PGAM5: variants seen among roughly 807,000 people sequenced by gnomAD.
PGAM5 encodes the protein serine/threonine-protein phosphatase PGAM5, mitochondrial.
Under a neutral mutation model 30.6 loss-of-function variants are expected in PGAM5, and 25 were observed. That is an observed-to-expected ratio of 0.82 (90% CI 0.60 to 1.14). The LOEUF (loss-of-function observed/expected upper bound fraction) is 1.14. PGAM5 is among the 50% of genes most tolerant of loss of function. The pLI is 0.00. For synonymous variants in PGAM5, 201 were observed against 179.1 expected (o/e 1.12, Z -0.98); for missense variants, 384 against 408.5 (o/e 0.94, Z 0.52).
chr12:132,719,151 T>C, intron 5 of PGAM5: 2 of 1,272,606 alleles, frequency 1.6e-6, no homozygotes, highest in South Asian at 1.7e-5. Context: ...TCTCACTAAA[T>C]GCAAATTTGA....
At chr12:132,711,542 T>A (rs2043522896) in intron 1 of PGAM5, 1 of 152,240 alleles carries the variant, frequency 6.6e-6, no homozygotes, top group Non-Finnish European at 1.5e-5. Flanking sequence ...AATCCCAGCG[T>A]TTGGGAGGCT....
chr12:132,714,920 T>C lies in PGAM5; in HGVS notation c.254T>C (p.Leu85Pro). 1 of 1,613,746 alleles carries C rather than the reference T, an allele frequency of 6.2e-7. No homozygotes were observed. Among genetic ancestry groups the C allele is most frequent in the Non-Finnish European group, 8.5e-7 (1 of 1,179,998 alleles). ...KRNVESGEEE[L>P]ASKLDHYKAK... ...AACGTGGAATCTGGGGAAGAAGAGC[T>C]GGCGTCCAAGCTGGACCACTACAAA... Residue 85 changes from leucine (L) to proline (P), a missense_variant, in exon 2 of 6, where the codon CTG (leucine) becomes CCG (proline). Leu to Pro is a moderately conservative substitution (Grantham distance 98). Coordinates refer to ENST00000498926, the MANE Select transcript of PGAM5 (RefSeq NM_001170543.2).
rs1222026692 is a variant in PGAM5, at chr12:132,722,460, G to A, written c.*1632G>A. On this transcript the variant is annotated 3_prime_UTR_variant, in exon 6 of 6. Coordinates refer to ENST00000498926, the MANE Select transcript of PGAM5 (RefSeq NM_001170543.2). The stretch of plus-strand genomic sequence containing the variant: ...AGATGGGGTTTCACCGTGTTGGCCA[G>A]GCTGGTCTCGAACTCCTGACCTCGT... The A allele has an allele frequency of 6.6e-6, 1 of 151,652 alleles. No homozygotes were observed. Among genetic ancestry groups the A allele is most frequent in the Non-Finnish European group, 1.5e-5 (1 of 67,918 alleles). The allele number at this position is 151,652 out of a possible 1,614,324, so 9.4% of individuals were successfully genotyped here. A position where few individuals can be genotyped will look rare whatever the true frequency, so the allele number is the denominator to read the frequency against.
intron 1 of PGAM5, among the ~76,000 whole-genome samples, chr12:132,712,464 C>A (rs970403900): frequency 6.6e-5 from 10 of 152,088 alleles, no homozygotes; most frequent in South Asian, 2.1e-4. Context: ...TTTCTTTTTT[C>A]TTTTTCCTTG....
chr12:132,716,521 G>A (rs12321038), intron 2 of PGAM5, among the ~76,000 whole-genome samples: 5,431 of 152,118 alleles, frequency 0.036, 105 homozygotes, highest in South Asian at 0.099. Flanking sequence ...GAGCCACCGC[G>A]CCCGGCCTGG....
rs751419670 is a variant in PGAM5 at position 132,717,693 on chromosome 12, G to C, written c.497-17G>C. 2.2e-5 allele frequency: 34 copies of C among 1,566,660 alleles called. 1 individual carries two copies. The highest frequency in any genetic ancestry group is 2.7e-5 in the Non-Finnish European group (31 of 1,155,288). ...GCGGGGCCGCCTCACCCAGCGCTTCGCTGTGCTTCTCTGCAGGCGTCTGCA... is the reference window on the plus strand; with the variant it reads ...GCGGGGCCGCCTCACCCAGCGCTTCCCTGTGCTTCTCTGCAGGCGTCTGCA... On this transcript the variant is annotated splice_polypyrimidine_tract_variant and intron_variant, in intron 3 of 5. Coordinates refer to ENST00000498926, the MANE Select transcript of PGAM5 (RefSeq NM_001170543.2).
In PGAM5 at chr12:132,722,629, G is replaced by A. The variant is rs1259402537; in HGVS notation, c.*1801G>A. ...AAAACAGTACAATTTCTATGAAGTG[G>A]TTGTGACTATTTTCTGTAGTCAATA... is the stretch of plus-strand genomic sequence containing the variant. On this transcript the variant is annotated 3_prime_UTR_variant, in exon 6 of 6. Coordinates refer to ENST00000498926, the MANE Select transcript of PGAM5 (RefSeq NM_001170543.2). The A allele has an allele frequency of 1.3e-5, 2 of 152,180 alleles. No homozygotes were observed. The highest frequency in any genetic ancestry group is 3.8e-4 in the East Asian group (2 of 5,204). The allele number at this position is 152,180 out of a possible 1,614,324, so 9.4% of individuals were successfully genotyped here. A position where few individuals can be genotyped will look rare whatever the true frequency, so the allele number is the denominator to read the frequency against.
In PGAM5 at chr12:132,721,696, C is replaced by T. The variant is rs1046301854; in HGVS notation, c.*868C>T. Reference sequence around the variant, plus strand: ...CTCTGCCTCCTGGGTTCAAGTGATTCTCCTGCCTCAGCTCCCGAGTAGCTG... The same window carrying T: ...CTCTGCCTCCTGGGTTCAAGTGATTTTCCTGCCTCAGCTCCCGAGTAGCTG... On this transcript the variant is annotated 3_prime_UTR_variant, in exon 6 of 6. Transcript: ENST00000498926. 1 of 152,216 alleles carries T rather than the reference C, an allele frequency of 6.6e-6. No individual in the cohort carries two copies. The highest frequency in any genetic ancestry group is 6.5e-5 in the Admixed American group (1 of 15,282). 9.4% of individuals were successfully genotyped at this position (152,216 alleles called of 1,614,324 possible).
In PGAM5 at chr12:132,718,105, G is replaced by A. The variant is rs1468017425; in HGVS notation, c.704G>A (p.Arg235His). ...TTCATCTGTCACGCCAACGTCATCC[G>A]CTACATCGTGTGCAGGTAGGCAGCT... is the stretch of plus-strand genomic sequence containing the variant. ...EIFICHANVIRYIVCRALQFP... is the reference protein window; with the variant it reads ...EIFICHANVIHYIVCRALQFP... The change falls in exon 5 of 6, where the codon CGC (arginine) becomes CAC (histidine). Residue 235 changes from arginine (R) to histidine (H), a missense_variant. By Grantham distance (29) the Arg-to-His change is conservative. Coordinates refer to ENST00000498926, the MANE Select transcript of PGAM5 (RefSeq NM_001170543.2). 6.2e-7 allele frequency: 1 copy of A among 1,612,644 alleles called. No individual in the cohort carries two copies. Among genetic ancestry groups the A allele is most frequent in the Non-Finnish European group, 8.5e-7 (1 of 1,179,944 alleles).
In PGAM5 at chr12:132,721,413, A is replaced by G. The variant is rs1164051053; in HGVS notation, c.*585A>G. The G allele has an allele frequency of 6.6e-6, 1 of 152,222 alleles. No individual in the cohort carries two copies. The highest frequency in any genetic ancestry group is 1.5e-5 in the Non-Finnish European group (1 of 68,098). 9.4% of individuals were successfully genotyped at this position (152,222 alleles called of 1,614,324 possible). A position where few individuals can be genotyped will look rare whatever the true frequency, so the allele number is the denominator to read the frequency against. On this transcript the variant is annotated 3_prime_UTR_variant, in exon 6 of 6. Coordinates refer to ENST00000498926, the MANE Select transcript of PGAM5 (RefSeq NM_001170543.2). ...AAGACCAGCCTGGACAAGGCAACATAGCGAGACCCTGTCTCTACTAAAAAT... is the reference window on the plus strand; with the variant it reads ...AAGACCAGCCTGGACAAGGCAACATGGCGAGACCCTGTCTCTACTAAAAAT...
At chr12:132,715,832 T>A (rs888375375) in intron 2 of PGAM5, among the ~76,000 whole-genome samples, 1 of 152,016 alleles carries the variant, frequency 6.6e-6, no homozygotes, top group Non-Finnish European at 1.5e-5. Context: ...TGAGCCAAGA[T>A]TGCACCACTG....
intron 1 of PGAM5, chr12:132,711,391 C>T (rs1368566306): frequency 2.5e-5 from 5 of 197,646 alleles, no homozygotes; most frequent in Non-Finnish European, 4.1e-5. Flanking sequence ...CCTTCAGGGG[C>T]GTTTGCAGGA....
intron 5 of PGAM5, chr12:132,718,904 A>T: frequency 6.3e-7 from 1 of 1,595,444 alleles, no homozygotes; most frequent in Non-Finnish European, 8.5e-7. Flanking sequence ...GCCACAGCTG[A>T]GTCACGTTGC....
chr12:132,720,334 A>G (rs1373922740), intron 5 of PGAM5, among the ~76,000 whole-genome samples: 13 of 139,676 alleles, frequency 9.3e-5, no homozygotes, highest in African/African-American at 3.4e-4. Context: ...TTTAGACAGA[A>G]TCTCGCTCTG....
At chr12:132,718,777 G>A (rs368479081) in intron 5 of PGAM5, 1 of 1,613,570 alleles carries the variant, frequency 6.2e-7, no homozygotes, top group Non-Finnish European at 8.5e-7. Context: ...CGCCGCTGTT[G>A]TCCGCTGGGG....
intron 1 of PGAM5, among the ~76,000 whole-genome samples, chr12:132,713,575 C>G (rs1438172941): frequency 1.3e-5 from 2 of 152,230 alleles, no homozygotes; most frequent in East Asian, 3.8e-4. Flanking sequence ...CCTTGAGTCA[C>G]CACCGTGCCC....
intron 1 of PGAM5, among the ~76,000 whole-genome samples, chr12:132,712,683 C>T (rs2043534702): frequency 6.6e-6 from 1 of 151,864 alleles, no homozygotes; most frequent in African/African-American, 2.4e-5. Context: ...CTTGAACTCC[C>T]AACCTTAGGT....
rs1265758391 is a variant in PGAM5 at position 132,717,798 on chromosome 12, G to A, written c.585G>A (p.Val195=). 3 of 1,584,098 alleles carry A rather than the reference G, an allele frequency of 1.9e-6. No homozygotes were observed. The highest frequency in any genetic ancestry group is 1.3e-5 in the African/African-American group (1 of 74,236). ...PPVSHWKPEA[V]QYYEDGARIE... is the part of the protein sequence containing the mutation. ...TGTCTCATTGGAAGCCGGAAGCTGT[G>A]GTAAAAACCTCCCCGGGGGGCAGCT... The change falls in exon 4 of 6, where the codon GTG becomes GTA. Residue 195 remains valine, a splice_region_variant and synonymous_variant. Transcript: ENST00000498926.
At position 132,721,175 on chromosome 12, in the gene PGAM5, G is replaced by T. The variant is rs190784426; in HGVS notation, c.*347G>T. Reference sequence around the variant, plus strand: ...CAGGCTCCATTGGCAAAGCCGGTCAGGCACGAGGGCGACTGAGGCACGTGG... The same window carrying T: ...CAGGCTCCATTGGCAAAGCCGGTCATGCACGAGGGCGACTGAGGCACGTGG... On this transcript the variant is annotated 3_prime_UTR_variant, in exon 6 of 6. Coordinates refer to ENST00000498926, the MANE Select transcript of PGAM5 (RefSeq NM_001170543.2). The T allele has an allele frequency of 3.7e-4, 70 of 188,982 alleles. No individual in the cohort carries two copies. In the Admixed American group the frequency reaches 4.1e-3, roughly 11 times the overall value. The allele number at this position is 188,982 out of a possible 1,614,324, so 11.7% of individuals were successfully genotyped here. A position where few individuals can be genotyped will look rare whatever the true frequency, so the allele number is the denominator to read the frequency against.
Sources: allele counts gnomAD v4.1 joint callset (sites outside exome capture counted in the v4.1 genomes callset), GRCh38; gene constraint gnomAD v4.1.1; transcripts MANE v1.5; gene names NCBI Gene and HGNC (gene_info 2026-07-23, HGNC 2026-07-21).